Variants in FAM219A observed in about 807,000 individuals in gnomAD.
FAM219A encodes the protein protein FAM219A.
Under a neutral mutation model 23.4 loss-of-function variants are expected in FAM219A, and 7 were observed. The observed-to-expected ratio is 0.30, with a 90% CI of 0.17 to 0.56. FAM219A has a LOEUF of 0.56. FAM219A is among the 20% of genes least tolerant of loss of function. The probability of loss-of-function intolerance (pLI) is 0.92; values close to 1 mark genes in which losing one functional copy is unlikely to be tolerated. For missense variants in FAM219A, 166 were observed against 246.9 expected, an observed-to-expected ratio of 0.67 and a Z score of 2.20; for synonymous variants, 93 against 99.0, an observed-to-expected ratio of 0.94 and a Z score of 0.36.
chr9:34,458,297 G>A lies in FAM219A; in HGVS notation c.-34C>T. 4 of 1,360,390 alleles carry A rather than the reference G, an allele frequency of 2.9e-6. No individual in the cohort carries two copies. In the South Asian group the frequency reaches 5.6e-5, roughly 19 times the overall value. The allele number at this position is 1,360,390 out of a possible 1,614,324, so 84.3% of individuals were successfully genotyped here. ...CGGGCGAGCGGGCCAGGGGCCGGGC[G>A]CGGCCGCGGACGCCGACAGGACCGC... is the stretch of plus-strand genomic sequence containing the variant. On this transcript the variant is annotated 5_prime_UTR_variant, in exon 1 of 6. Coordinates refer to ENST00000651358, the MANE Select transcript of FAM219A (RefSeq NM_001184940.2). This position sits in a 1 kb window ranked among gnomAD's most constrained non-coding sequence, Gnocchi z 6.6.
intron 1 of FAM219A, among the ~76,000 whole-genome samples, chr9:34,447,498 A>C (rs1187681670): frequency 6.6e-6 from 1 of 152,228 alleles, no homozygotes; most frequent in African/African-American, 2.4e-5. Context: ...TTTGGAAGCC[A>C]GTGTCCCGGG....
chr9:34,449,000 A>AAAT (rs1823467708), intron 1 of FAM219A, among the ~76,000 whole-genome samples: 1 of 145,338 alleles, frequency 6.9e-6, no homozygotes, highest in South Asian at 2.3e-4. Flanking sequence ...ATCGGAAAAA[A>AAAT]AAAAAAAACC....
Position 34,428,539 on chromosome 9 carries a change from G to C in FAM219A, c.61-22575C>G, listed in dbSNP as rs142694935. On this transcript the variant is annotated intron_variant, in intron 1 of 5. Coordinates refer to ENST00000651358, the MANE Select transcript of FAM219A (RefSeq NM_001184940.2). ...ATTCATGGGCCCTTGTTTGCAGCCA[G>C]CTGTGCCCTCCCCTGAGTCCTGCAC... Among the ~76,000 whole-genome samples, 30 of 152,362 alleles carry C rather than the reference G, an allele frequency of 2.0e-4. No homozygotes were observed. In the East Asian group the frequency reaches 5.8e-3, roughly 29 times the overall value.
At chr9:34,434,201 CAAAAAAA>C (rs56144317) in intron 1 of FAM219A, among the ~76,000 whole-genome samples, 8 of 44,980 alleles carry the variant, frequency 1.8e-4, no homozygotes, top group Middle Eastern at 0.015. Flanking sequence ...GACTCCGTCT[CAAAAAAA>C]AAAAAAAAAA....
intron 1 of FAM219A, among the ~76,000 whole-genome samples, chr9:34,444,922 G>T (rs1269776084): frequency 6.6e-6 from 1 of 152,162 alleles, no homozygotes; most frequent in Non-Finnish European, 1.5e-5. Context: ...CTACTGGATT[G>T]CCAGCTTATG....
At chr9:34,408,248 A>G (rs569480892) in intron 1 of FAM219A, among the ~76,000 whole-genome samples, 1 of 152,290 alleles carries the variant, frequency 6.6e-6, no homozygotes, top group African/African-American at 2.4e-5. Flanking sequence ...TCCTTGAGAG[A>G]CTAATAGACA....
At chr9:34,409,279 C>G (rs1335808086) in intron 1 of FAM219A, among the ~76,000 whole-genome samples, 1 of 152,242 alleles carries the variant, frequency 6.6e-6, no homozygotes, top group African/African-American at 2.4e-5. Context: ...TCCTCTATGT[C>G]TTCCCTTAGA....
Position 34,417,115 on chromosome 9 carries a change from C to A in FAM219A, c.61-11151G>T, listed in dbSNP as rs1588043865. ...TCAGAGTCTCGCTCTGGTGCCCAGG[C>A]TGGTTGCCCAGGCTGGAGTGCAGTG... On this transcript the variant is annotated intron_variant, in intron 1 of 5. Coordinates refer to ENST00000651358, the MANE Select transcript of FAM219A (RefSeq NM_001184940.2). This position sits in a 1 kb window ranked among gnomAD's most constrained non-coding sequence, Gnocchi z 4.1. Among the ~76,000 whole-genome samples the A allele has an allele frequency of 6.6e-6, 1 of 152,030 alleles. No individual in the cohort carries two copies. The highest frequency in any genetic ancestry group is 1.9e-4 in the East Asian group (1 of 5,176).
At chr9:34,441,960 G>A (rs1287544579) in intron 1 of FAM219A, among the ~76,000 whole-genome samples, 1 of 152,188 alleles carries the variant, frequency 6.6e-6, no homozygotes, top group Non-Finnish European at 1.5e-5. Flanking sequence ...CTGGCCTCAA[G>A]TGATCCTCCT....
intron 1 of FAM219A, among the ~76,000 whole-genome samples, chr9:34,438,892 T>G (rs1177286108): frequency 6.6e-6 from 1 of 152,222 alleles, no homozygotes. Flanking sequence ...GCTTTGTTCT[T>G]TTGCTCTTTG....
chr9:34,438,533 T>G (rs1588064742), intron 1 of FAM219A, among the ~76,000 whole-genome samples: 1 of 152,338 alleles, frequency 6.6e-6, no homozygotes, highest in East Asian at 1.9e-4. Context: ...ATCTATCTAC[T>G]CTGGTGGGGC....
At chr9:34,413,732 G>T (rs908618223) in intron 1 of FAM219A, among the ~76,000 whole-genome samples, 1 of 152,170 alleles carries the variant, frequency 6.6e-6, no homozygotes, top group Non-Finnish European at 1.5e-5. Context: ...GAATAAAGTC[G>T]TGCCTGTACC....
At chr9:34,423,497 G>A (rs1822352336) in intron 1 of FAM219A, among the ~76,000 whole-genome samples, 1 of 152,214 alleles carries the variant, frequency 6.6e-6, no homozygotes, top group South Asian at 2.1e-4. Context: ...TAATGTTAGG[G>A]GACGAAGTGG....
rs1822092907 is a variant in FAM219A at position 34,417,853 on chromosome 9, T to A, written c.61-11889A>T. Reference sequence around the variant, plus strand: ...ATACTCCTGACTTGAGGCCACCAATTAAGAACAAAAGGAGGGAAGACTCTT... The same window carrying A: ...ATACTCCTGACTTGAGGCCACCAATAAAGAACAAAAGGAGGGAAGACTCTT... On this transcript the variant is annotated intron_variant, in intron 1 of 5. Transcript: ENST00000651358. This position sits in a 1 kb window ranked among gnomAD's most constrained non-coding sequence, Gnocchi z 4.1. Among the ~76,000 whole-genome samples, 1 of 152,066 alleles carries A rather than the reference T, an allele frequency of 6.6e-6. No individual in the cohort carries two copies.
At chr9:34,424,416 G>C (rs1313855679) in intron 1 of FAM219A, among the ~76,000 whole-genome samples, 1 of 145,008 alleles carries the variant, frequency 6.9e-6, no homozygotes, top group Non-Finnish European at 1.5e-5. Flanking sequence ...CAGAGATCAT[G>C]GCACATTTGC....
chr9:34,456,192 C>CA (rs908458506), intron 1 of FAM219A, among the ~76,000 whole-genome samples: 58 of 149,114 alleles, frequency 3.9e-4, no homozygotes, highest in African/African-American at 1.3e-3. Context: ...GACCCTGTCT[C>CA]AAAAAAAAAG....
intron 1 of FAM219A, among the ~76,000 whole-genome samples, chr9:34,438,279 C>T (rs986923108): frequency 1.3e-5 from 2 of 152,238 alleles, no homozygotes; most frequent in Non-Finnish European, 2.9e-5. Flanking sequence ...AGCGCCACCC[C>T]CTGCTCCACG....
intron 1 of FAM219A, among the ~76,000 whole-genome samples, chr9:34,420,173 A>G (rs1046615431): frequency 1.3e-5 from 2 of 152,174 alleles, no homozygotes; most frequent in African/African-American, 4.8e-5. Context: ...GGGGAGGGAA[A>G]AACACCAAGC....
intron 1 of FAM219A, among the ~76,000 whole-genome samples, chr9:34,443,496 C>G (rs747629273): frequency 6.6e-6 from 1 of 152,220 alleles, no homozygotes; most frequent in Non-Finnish European, 1.5e-5. Flanking sequence ...CTCTCTCCCA[C>G]AAAAGTTCCC....
Sources: allele counts gnomAD v4.1 joint callset (sites outside exome capture counted in the v4.1 genomes callset), GRCh38; gene constraint gnomAD v4.1.1; non-coding constraint Gnocchi (gnomAD v3.1); transcripts MANE v1.5; gene names NCBI Gene and HGNC (gene_info 2026-07-23, HGNC 2026-07-21).